PDSS2: variants seen among roughly 807,000 people sequenced by gnomAD.
The protein encoded by PDSS2 is decaprenyl diphosphate synthase subunit 2, also known as all trans-polyprenyl-diphosphate synthase PDSS2.
Under a neutral mutation model 44.5 loss-of-function variants are expected in PDSS2, and 31 were observed. The observed-to-expected ratio is 0.70, with a 90% CI of 0.52 to 0.94. The LOEUF is 0.94. Among genes scored for constraint, PDSS2 ranks in the 40% least tolerant of loss-of-function variants. The pLI is 0.00. For missense variants in PDSS2, 452 were observed against 482.2 expected, an observed-to-expected ratio of 0.94 and a Z score of 0.59; for synonymous variants, 157 against 180.3, an observed-to-expected ratio of 0.87 and a Z score of 1.03.
At chr6:107,167,564 G>A (rs1288295529) in intron 7 of PDSS2, among the ~76,000 whole-genome samples, 1 of 152,132 alleles carries the variant, frequency 6.6e-6, no homozygotes, top group East Asian at 1.9e-4. Flanking sequence ...TTTTAATTGT[G>A]ATGTTAGGGT....
intron 1 of PDSS2, among the ~76,000 whole-genome samples, chr6:107,366,323 T>C (rs1350707073): frequency 6.6e-6 from 1 of 151,948 alleles, no homozygotes; most frequent in Non-Finnish European, 1.5e-5. Context: ...TAAAAATATT[T>C]CCACCTGAAT....
chr6:107,196,874 CTTCCATAAAAACCCAAAAATTTG>C (rs567316830), intron 6 of PDSS2, among the ~76,000 whole-genome samples: 481 of 152,282 alleles, frequency 3.2e-3, no homozygotes, highest in Non-Finnish European at 4.5e-3. Flanking sequence ...TGTAATGAAG[CTTCCATAAAAACCCAAAAATTTG>C]TTCCATAAAA....
At chr6:107,286,120 A>G (rs1776134900) in intron 2 of PDSS2, among the ~76,000 whole-genome samples, 1 of 113,772 alleles carries the variant, frequency 8.8e-6, no homozygotes, top group Non-Finnish European at 1.9e-5. Flanking sequence ...TCAAGGAGCA[A>G]AACTTCGTCG....
At chr6:107,338,186 C>T (rs1019360469) in intron 1 of PDSS2, among the ~76,000 whole-genome samples, 10 of 152,116 alleles carry the variant, frequency 6.6e-5, no homozygotes, top group Admixed American at 2.0e-4. Flanking sequence ...AAAAAACAAA[C>T]AAACAAACAA....
chr6:107,327,921 G>A (rs1472862674), intron 2 of PDSS2, among the ~76,000 whole-genome samples: 3 of 152,182 alleles, frequency 2.0e-5, no homozygotes, highest in Non-Finnish European at 2.9e-5. Context: ...TTAAGTCATC[G>A]TCCATGTTAA....
chr6:107,433,908 G>C (rs577973976), intron 1 of PDSS2, among the ~76,000 whole-genome samples: 23 of 152,248 alleles, frequency 1.5e-4, no homozygotes, highest in South Asian at 6.2e-4. Context: ...TATACAAGGG[G>C]CTCAAACAAC....
chr6:107,239,413 T>G (rs986932779), intron 4 of PDSS2, among the ~76,000 whole-genome samples: 11 of 152,278 alleles, frequency 7.2e-5, no homozygotes, highest in Non-Finnish European at 1.5e-4. Flanking sequence ...TTTTGAAGAC[T>G]TTTAATGACA....
intron 1 of PDSS2, among the ~76,000 whole-genome samples, chr6:107,396,964 T>A (rs1435129777): frequency 6.6e-6 from 1 of 152,030 alleles, no homozygotes; most frequent in African/African-American, 2.4e-5. Context: ...AGTGTTGGGG[T>A]TACAGGTGTA....
intron 4 of PDSS2, among the ~76,000 whole-genome samples, chr6:107,220,106 C>A (rs942854438): frequency 1.4e-5 from 2 of 144,976 alleles, no homozygotes; most frequent in African/African-American, 5.2e-5. Context: ...GCATGAGGGA[C>A]CTTATAGGGG....
intron 7 of PDSS2, among the ~76,000 whole-genome samples, chr6:107,193,105 G>T (rs1443538104): frequency 6.6e-6 from 1 of 152,208 alleles, no homozygotes; most frequent in African/African-American, 2.4e-5. Flanking sequence ...TCCCTGAGGG[G>T]AAAACAGAAC....
At chr6:107,364,533 T>G (rs1411723843) in intron 1 of PDSS2, among the ~76,000 whole-genome samples, 1 of 152,210 alleles carries the variant, frequency 6.6e-6, no homozygotes, top group Non-Finnish European at 1.5e-5. Context: ...GGCTGGCTGC[T>G]CCGAGTGCGG....
chr6:107,273,997 T>C (rs2114942693), intron 3 of PDSS2, 32 bp downstream of exon 3: 1 of 1,582,786 alleles, frequency 6.3e-7, no homozygotes, highest in Non-Finnish European at 8.7e-7. Flanking sequence ...CCTGAAGCCA[T>C]TCAGGTACAA....
intron 1 of PDSS2, among the ~76,000 whole-genome samples, chr6:107,407,764 G>T (rs938219967): frequency 5.3e-5 from 8 of 151,896 alleles, no homozygotes; most frequent in African/African-American, 1.9e-4. Flanking sequence ...CAGTGCCACG[G>T]TCTTGGCTCA....
At chr6:107,222,942 C>CA (rs200725069) in intron 4 of PDSS2, among the ~76,000 whole-genome samples, 18 of 149,662 alleles carry the variant, frequency 1.2e-4, no homozygotes, top group South Asian at 6.4e-4. Context: ...CCTGTCTCTA[C>CA]AAAAAAAATT....
intron 4 of PDSS2, among the ~76,000 whole-genome samples, chr6:107,237,897 G>GAAAAAA (rs71551306): frequency 1.2e-4 from 10 of 80,672 alleles, no homozygotes; most frequent in South Asian, 4.3e-4. Flanking sequence ...CTCCGTCTCT[G>GAAAAAA]AAAAAAAAAA....
chr6:107,207,471 C>T (rs894722383), intron 6 of PDSS2, among the ~76,000 whole-genome samples: 1 of 152,124 alleles, frequency 6.6e-6, no homozygotes, highest in African/African-American at 2.4e-5. Context: ...GGTGGAATGT[C>T]TCTCCTAGGT....
intron 1 of PDSS2, among the ~76,000 whole-genome samples, chr6:107,433,595 T>A (rs1181813348): frequency 6.6e-6 from 1 of 152,174 alleles, no homozygotes. Flanking sequence ...GACCTTTATC[T>A]CTCACTATAC....
chr6:107,253,111 T>C (rs575785806), intron 3 of PDSS2, among the ~76,000 whole-genome samples: 5 of 152,316 alleles, frequency 3.3e-5, no homozygotes, highest in Admixed American at 2.0e-4. Context: ...TCTTGGCACA[T>C]TGCAACCTCC....
chr6:107,169,581 G>A (rs990504494), intron 7 of PDSS2, among the ~76,000 whole-genome samples: 13 of 152,184 alleles, frequency 8.5e-5, no homozygotes, highest in African/African-American at 2.4e-4. Flanking sequence ...CAGCTTTTCT[G>A]CTCTGTTTTT....
Sources: allele counts gnomAD v4.1 joint callset (sites outside exome capture counted in the v4.1 genomes callset), GRCh38; gene constraint gnomAD v4.1.1; transcripts MANE v1.5; gene names NCBI Gene and HGNC (gene_info 2026-07-23, HGNC 2026-07-21).